Variants in CLIP4 observed in about 807,000 individuals in gnomAD.
CLIP4 encodes the protein CAP-Gly domain-containing linker protein 4.
In CLIP4, 47 loss-of-function variants were observed where a neutral mutation model predicts 73.1. That is an observed-to-expected ratio of 0.64 (90% CI 0.51 to 0.82). The LOEUF is 0.82. Ranked by LOEUF, CLIP4 falls within the 40% of genes least tolerant of loss-of-function variation. The probability of loss-of-function intolerance (pLI) is 0.00; values close to 1 mark genes in which losing one functional copy is unlikely to be tolerated. For synonymous variants in CLIP4, 306 were observed against 295.4 expected (o/e 1.04, Z -0.37); for missense variants, 874 against 852.9 (o/e 1.02, Z -0.31).
intron 3 of CLIP4, chr2:29,131,724 C>G: frequency 4.1e-6 from 1 of 244,394 alleles, no homozygotes; most frequent in Non-Finnish European, 7.7e-6. Context: ...TCTATTTACA[C>G]TTTTGGTTGG....
intron 14 of CLIP4, among the ~76,000 whole-genome samples, chr2:29,170,813 A>G (rs180727021): frequency 1.4e-4 from 22 of 151,738 alleles, no homozygotes; most frequent in Non-Finnish European, 2.7e-4. Context: ...TTTTTTTCAC[A>G]TGTGAATGTC....
chr2:29,135,013 G>C (rs1410492984), intron 5 of CLIP4, among the ~76,000 whole-genome samples: 4 of 151,248 alleles, frequency 2.6e-5, no homozygotes, highest in African/African-American at 4.9e-5. Flanking sequence ...TAGACTTTTT[G>C]GACCATATGG....
In CLIP4 at chr2:29,131,376, C is replaced by T. The variant is rs537924532; in HGVS notation, c.252C>T (p.Asn84=). The T allele has an allele frequency of 2.5e-6, 4 of 1,600,182 alleles. No homozygotes were observed. Among genetic ancestry groups the T allele is most frequent in the Non-Finnish European group, 2.6e-6 (3 of 1,175,606 alleles). Residue 84 remains asparagine (N), a synonymous_variant, in exon 3 of 16, where the codon AAC becomes AAT. Coordinates refer to ENST00000320081, the MANE Select transcript of CLIP4 (RefSeq NM_024692.6). ...AGTGGGTTCCTCAGGTCCAACAAAA[C>T]ATTGACATTATTGGAAATGAGGTAA... is the stretch of plus-strand genomic sequence containing the variant. The part of the protein sequence containing the change: ...LRQWVPQVQQ[N]IDIIGNEILK...
intron 1 of CLIP4, among the ~76,000 whole-genome samples, chr2:29,101,284 T>A (rs1481364433): frequency 1.4e-5 from 2 of 147,058 alleles, no homozygotes; most frequent in Non-Finnish European, 3.0e-5. Flanking sequence ...GCTTTTTTTT[T>A]TTCCCCCCCC....
intron 14 of CLIP4, among the ~76,000 whole-genome samples, chr2:29,168,032 T>C (rs1318893446): frequency 6.6e-6 from 1 of 152,240 alleles, no homozygotes; most frequent in Non-Finnish European, 1.5e-5. Flanking sequence ...AGGTGTGGGA[T>C]ACCTGCGTCC....
At chr2:29,107,842 G>C (rs1348558423) in intron 1 of CLIP4, among the ~76,000 whole-genome samples, 1 of 152,134 alleles carries the variant, frequency 6.6e-6, no homozygotes, top group Non-Finnish European at 1.5e-5. Context: ...ACATGCTGCT[G>C]CACCTGACTC....
intron 8 of CLIP4, among the ~76,000 whole-genome samples, chr2:29,149,378 T>G (rs376534197): frequency 9.1e-4 from 138 of 151,962 alleles, no homozygotes; most frequent in African/African-American, 3.1e-3. Flanking sequence ...CTTTCCTCCT[T>G]CTTGGAAGCG....
chr2:29,101,663 A>G (rs1234673023), intron 1 of CLIP4, among the ~76,000 whole-genome samples: 1 of 152,168 alleles, frequency 6.6e-6, no homozygotes, highest in Non-Finnish European at 1.5e-5. Context: ...AATACTTTGC[A>G]TCCTTTAATC....
chr2:29,161,522 G>T (rs537892598), intron 12 of CLIP4, among the ~76,000 whole-genome samples: 1 of 152,228 alleles, frequency 6.6e-6, no homozygotes, highest in African/African-American at 2.4e-5. Flanking sequence ...CAGTTTCATA[G>T]ATGTTGGTGG....
Position 29,131,182 on chromosome 2 carries a change from G to T in CLIP4, c.134-76G>T, listed in dbSNP as rs548019804. 4 of 1,241,464 alleles carry T rather than the reference G, an allele frequency of 3.2e-6. No individual in the cohort carries two copies. The South Asian group carries it at 4.4e-5, about 14-fold the overall frequency. The allele number at this position is 1,241,464 out of a possible 1,614,324, so 76.9% of individuals were successfully genotyped here. The stretch of plus-strand genomic sequence containing the variant: ...AAATATTTGTATCATTTGAACCTTG[G>T]TTTTATTGTTTATTATTTTCAATAT... On this transcript the variant is annotated intron_variant, in intron 2 of 15. Transcript: ENST00000320081.
At chr2:29,122,817 C>CTT (rs939516114) in intron 2 of CLIP4, among the ~76,000 whole-genome samples, 2 of 77,912 alleles carry the variant, frequency 2.6e-5, no homozygotes, top group Admixed American at 2.3e-4. Flanking sequence ...CAGAGTGAGA[C>CTT]TTTGTCTCCA....
intron 2 of CLIP4, among the ~76,000 whole-genome samples, chr2:29,130,337 G>T (rs1439653615): frequency 1.3e-5 from 2 of 152,160 alleles, no homozygotes; most frequent in Non-Finnish European, 2.9e-5. Context: ...AATCAAAAGT[G>T]GTAAGAAGCT....
intron 8 of CLIP4, among the ~76,000 whole-genome samples, chr2:29,151,513 A>G (rs1251188396): frequency 7.6e-6 from 1 of 131,400 alleles, no homozygotes; most frequent in Non-Finnish European, 1.7e-5. Flanking sequence ...CAGAAGAGAG[A>G]ACATTGTAAA....
At chr2:29,132,020 C>A in intron 3 of CLIP4, 132 bp from the exon 4 acceptor site, 1 of 634,630 alleles carries the variant, frequency 1.6e-6, no homozygotes. Context: ...TTAAGATATG[C>A]TCATACTGTC....
intron 6 of CLIP4, 21 bp downstream of exon 6, chr2:29,135,687 T>G: frequency 6.7e-7 from 1 of 1,482,808 alleles, no homozygotes; most frequent in Non-Finnish European, 9.3e-7. Context: ...AAATTAAAAG[T>G]GAAAAATATT....
intron 1 of CLIP4, among the ~76,000 whole-genome samples, chr2:29,108,001 T>TTG (rs1668280074): frequency 6.6e-6 from 1 of 152,100 alleles, no homozygotes; most frequent in African/African-American, 2.4e-5. Flanking sequence ...TTTCTTTTTT[T>TTG]TTTTTAAAGC....
At chr2:29,157,048 A>G (rs565664155) in intron 10 of CLIP4, among the ~76,000 whole-genome samples, 156 bp from the exon 11 acceptor site, 6 of 152,322 alleles carry the variant, frequency 3.9e-5, no homozygotes, top group East Asian at 3.9e-4. Context: ...ATAAACTACA[A>G]TTGCTATTTG....
In CLIP4 at chr2:29,152,699, C is replaced by G. The variant is rs1380996990; in HGVS notation, c.1036C>G (p.Leu346Val). ...TTCTCCCTTAGGTATTTTTGCACCTCTTTCAAAGATAAGTAAAGCAAAAGG... is the reference window on the plus strand; with the variant it reads ...TTCTCCCTTAGGTATTTTTGCACCTGTTTCAAAGATAAGTAAAGCAAAAGG... ...CAPKYGIFAP[L>V]SKISKAKGRR... is the part of the protein sequence containing the mutation. Residue 346 changes from leucine (L) to valine (V), a missense_variant, in exon 9 of 16, where the codon CTT becomes GTT. Leu to Val is a conservative substitution (Grantham distance 32). Coordinates refer to ENST00000320081, the MANE Select transcript of CLIP4 (RefSeq NM_024692.6). The G allele has an allele frequency of 6.2e-7, 1 of 1,612,798 alleles. No homozygotes were observed. Among genetic ancestry groups the G allele is most frequent in the Non-Finnish European group, 8.5e-7 (1 of 1,179,534 alleles).
chr2:29,165,696 C>G (rs1220259164), intron 13 of CLIP4, among the ~76,000 whole-genome samples: 1 of 152,144 alleles, frequency 6.6e-6, no homozygotes, highest in Non-Finnish European at 1.5e-5. Context: ...GTTTCCTAGT[C>G]ATGAGGACTG....
Sources: gnomAD v4.1 joint callset for allele counts (sites outside exome capture counted in the v4.1 genomes callset) on GRCh38, gnomAD v4.1.1 for gene constraint, MANE v1.5 for transcripts, NCBI Gene and HGNC (gene_info 2026-07-23, HGNC 2026-07-21) for gene names.